TRIM5: variants seen among roughly 807,000 people sequenced by gnomAD.
TRIM5 encodes the protein tripartite motif containing 5.
Under a neutral mutation model 35.6 loss-of-function variants are expected in TRIM5, and 31 were observed. That is an observed-to-expected ratio of 0.87 (90% confidence interval 0.65 to 1.18). TRIM5 has a LOEUF of 1.18. Among genes scored for constraint, TRIM5 ranks in the 50% most tolerant of loss-of-function variants. The pLI is 0.00. For synonymous variants in TRIM5, 243 were observed against 215.6 expected, an observed-to-expected ratio of 1.13 and a Z score of -1.11; for missense variants, 609 against 591.6, an observed-to-expected ratio of 1.03 and a Z score of -0.31.
At chr11:5,669,825 C>A in intron 4 of TRIM5, 1 of 169,834 alleles carries the variant, frequency 5.9e-6, no homozygotes, top group Non-Finnish European at 1.3e-5. Flanking sequence ...TGGTGAAATC[C>A]CGTCTCTTCA....
intron 4 of TRIM5, among the ~76,000 whole-genome samples, chr11:5,670,331 C>G (rs1452778945): frequency 3.6e-5 from 5 of 138,438 alleles, no homozygotes; most frequent in Admixed American, 1.5e-4. Context: ...GCTCCCACCA[C>G]CACACCCAGC....
the TRIM5 span, among the ~76,000 whole-genome samples, chr11:5,640,005 T>C: frequency 8.3e-3 from 1,262 of 152,340 alleles, 8 homozygotes; most frequent in African/African-American, 0.025. Flanking sequence ...ACTATTTTAA[T>C]TATTTTAAAT....
downstream of TRIM5, among the ~76,000 whole-genome samples, chr11:5,661,023 C>A (rs1333649513): frequency 2.8e-5 from 3 of 108,166 alleles, no homozygotes; most frequent in African/African-American, 1.1e-4. Flanking sequence ...GCCTGGGCGA[C>A]AGAGAGAGAC....
At chr11:5,656,611 C>T in the TRIM5 span, among the ~76,000 whole-genome samples, 1 of 152,132 alleles carries the variant, frequency 6.6e-6, no homozygotes, top group Non-Finnish European at 1.5e-5. Context: ...ACCTCGGCCT[C>T]CCAAAGTACT....
chr11:5,683,006 G>A (rs1474540675), intron 1 of TRIM5, among the ~76,000 whole-genome samples: 1 of 152,218 alleles, frequency 6.6e-6, no homozygotes, highest in Non-Finnish European at 1.5e-5. Flanking sequence ...CTGGAGTTCC[G>A]GGTGGGCGTG....
the TRIM5 span, among the ~76,000 whole-genome samples, chr11:5,645,095 C>A: frequency 6.6e-6 from 1 of 152,132 alleles, no homozygotes; most frequent in African/African-American, 2.4e-5. Flanking sequence ...AGGCTGGGTG[C>A]CTTGGCTCAT....
the TRIM5 span, among the ~76,000 whole-genome samples, chr11:5,627,642 A>G: frequency 6.6e-6 from 1 of 152,180 alleles, no homozygotes. Flanking sequence ...AGAGTCATTA[A>G]TGTGGTATAG....
chr11:5,684,976 T>C lies in TRIM5; in HGVS notation c.-170A>G, dbSNP rs1852901810. 1 of 152,004 alleles carries C rather than the reference T, an allele frequency of 6.6e-6. No individual in the cohort carries two copies. Among genetic ancestry groups the C allele is most frequent in the African/African-American group, 2.4e-5 (1 of 41,330 alleles). 9.4% of individuals were successfully genotyped at this position (152,004 alleles called of 1,614,324 possible). A position where few individuals can be genotyped will look rare whatever the true frequency, so the allele number is the denominator to read the frequency against. ...GAAGTGGTGATTCTGGGGAGAAGAG[T>C]GAAGACAGGCCAGGGAAGACGTGGT... is the stretch of plus-strand genomic sequence containing the variant. On this transcript the variant is annotated 5_prime_UTR_variant, in exon 1 of 8. Coordinates refer to ENST00000380034, the MANE Select transcript of TRIM5 (RefSeq NM_033034.3).
chr11:5,610,300 A>G, the TRIM5 span: 151 of 1,611,136 alleles, frequency 9.4e-5, no homozygotes, highest in Non-Finnish European at 1.3e-4. Flanking sequence ...GTGGGAAGAA[A>G]TAAACGGGAT....
the TRIM5 span, among the ~76,000 whole-genome samples, chr11:5,617,710 A>G: frequency 0.024 from 2,804 of 115,110 alleles, 191 homozygotes; most frequent in East Asian, 0.057. Context: ...GGCTGGTCTC[A>G]AACTCCTGAC....
rs1292740950 is a variant in TRIM5 at position 5,667,728 on chromosome 11, AAAC to A, written c.745-20_745-18del. The A allele has an allele frequency of 6.2e-7, 1 of 1,613,082 alleles. No individual in the cohort carries two copies. Among genetic ancestry groups the A allele is most frequent in the African/African-American group, 1.3e-5 (1 of 74,960 alleles). On this transcript the variant is annotated intron_variant, in intron 4 of 7. Coordinates refer to ENST00000380034, the MANE Select transcript of TRIM5 (RefSeq NM_033034.3). ...ATCCACACCCTAGGAAGAAGAGAGA[AAAC>A]ATCAATTAAGAAAGAAAGAGTCTCT...
intron 1 of TRIM5, among the ~76,000 whole-genome samples, chr11:5,682,092 C>A (rs528828053): frequency 1.3e-5 from 2 of 152,138 alleles, no homozygotes; most frequent in South Asian, 4.2e-4. Flanking sequence ...CCACCGTGCC[C>A]GGCTTCAGCT....
intron 4 of TRIM5, among the ~76,000 whole-genome samples, chr11:5,676,229 G>A (rs1851969269): frequency 6.6e-6 from 1 of 152,014 alleles, no homozygotes; most frequent in South Asian, 2.1e-4. Context: ...TAATGGGATG[G>A]CTGGGTCAAA....
chr11:5,619,801 C>G, the TRIM5 span: 8 of 135,440 alleles, frequency 5.9e-5, no homozygotes, highest in African/African-American at 2.2e-4. Flanking sequence ...CTCCTGGGTT[C>G]AAGCGATCCT....
chr11:5,666,203 G>C, intron 5 of TRIM5, 122 bp from the exon 6 acceptor site: 1 of 824,266 alleles, frequency 1.2e-6, no homozygotes, highest in East Asian at 2.7e-5. Flanking sequence ...GGGATCCTGA[G>C]AAGGGAGAGT....
chr11:5,673,242 T>C (rs1191991707), intron 4 of TRIM5, among the ~76,000 whole-genome samples: 2 of 151,986 alleles, frequency 1.3e-5, no homozygotes, highest in Non-Finnish European at 2.9e-5. Flanking sequence ...ATATATATAC[T>C]ATGCAAGCAG....
chr11:5,599,034 A>T, the TRIM5 span, among the ~76,000 whole-genome samples: 1 of 152,148 alleles, frequency 6.6e-6, no homozygotes, highest in African/African-American at 2.4e-5. Context: ...TCTCTTTTCT[A>T]GGATTTCACA....
At chr11:5,617,505 T>C in the TRIM5 span, among the ~76,000 whole-genome samples, 9 of 127,586 alleles carry the variant, frequency 7.1e-5, 3 homozygotes, top group South Asian at 2.6e-4. Context: ...TTTTTTTTTT[T>C]CAGGCAGAGT....
chr11:5,683,076 G>A (rs12799329), intron 1 of TRIM5, among the ~76,000 whole-genome samples: 83,831 of 152,070 alleles, frequency 0.55, 23,178 homozygotes, highest in Non-Finnish European at 0.56. Flanking sequence ...GGCAGTGAGC[G>A]GCTTAGCACC....
Sources: gnomAD v4.1 joint callset for allele counts (sites outside exome capture counted in the v4.1 genomes callset) on GRCh38, gnomAD v4.1.1 for gene constraint, MANE v1.5 for transcripts, NCBI Gene and HGNC (gene_info 2026-07-23, HGNC 2026-07-21) for gene names.